The following LRRTM4 variants were observed in gnomAD, a reference collection of about 807,000 sequenced individuals.
LRRTM4 encodes the protein leucine-rich repeat transmembrane neuronal protein 4.
In LRRTM4, 25 loss-of-function variants were observed where a neutral mutation model predicts 47.6. The observed-to-expected ratio is 0.53, with a 90% CI of 0.38 to 0.73. The LOEUF (loss-of-function observed/expected upper bound fraction) is 0.73, where lower values mean the gene tolerates loss of function less well. LRRTM4 is among the 30% of genes least tolerant of loss of function. The probability of loss-of-function intolerance (pLI) is 0.00; values close to 1 mark genes in which losing one functional copy is unlikely to be tolerated. For missense variants in LRRTM4, 638 were observed against 713.4 expected (o/e 0.89, Z 1.20); for synonymous variants, 311 against 269.5 (o/e 1.15, Z -1.51).
chr2:76,822,240 T>A (rs1671074799), intron 3 of LRRTM4, among the ~76,000 whole-genome samples: 1 of 151,082 alleles, frequency 6.6e-6, no homozygotes, highest in Non-Finnish European at 1.5e-5. Context: ...AAACAAGAGA[T>A]ACTAAGGCCT....
At chr2:76,886,737 GA>G (rs1475977440) in intron 3 of LRRTM4, among the ~76,000 whole-genome samples, 1 of 151,778 alleles carries the variant, frequency 6.6e-6, no homozygotes, top group Non-Finnish European at 1.5e-5. Flanking sequence ...AATTAATGAA[GA>G]AAAATATTAA....
chr2:76,967,458 G>A (rs1011438230), intron 3 of LRRTM4, among the ~76,000 whole-genome samples: 2 of 151,494 alleles, frequency 1.3e-5, no homozygotes, highest in African/African-American at 2.4e-5. Context: ...GTCACTCAGT[G>A]ATCCTCCTCC....
chr2:77,296,777 G>C (rs1676985735), intron 3 of LRRTM4, among the ~76,000 whole-genome samples: 1 of 152,188 alleles, frequency 6.6e-6, no homozygotes, highest in African/African-American at 2.4e-5. Flanking sequence ...CTTCTTACCT[G>C]TGTCATGGAT....
At position 77,255,886 on chromosome 2, in the gene LRRTM4, C is replaced by G. The variant is rs919567983; in HGVS notation, c.1551+262432G>C. Among the ~76,000 whole-genome samples the G allele has an allele frequency of 4.6e-5, 7 of 151,786 alleles. No homozygotes were observed. In the South Asian group the frequency reaches 6.3e-4, roughly 14 times the overall value. On this transcript the variant is annotated intron_variant, in intron 3 of 3. Transcript: ENST00000409884. The stretch of plus-strand genomic sequence containing the variant: ...TAGAAAAAGAAAAGCAAAATAAACC[C>G]AAAGTATTAAGAAGGAAGAAAATAA...
intron 3 of LRRTM4, among the ~76,000 whole-genome samples, chr2:77,162,498 G>A (rs188913778): frequency 2.9e-4 from 44 of 152,256 alleles, no homozygotes; most frequent in African/African-American, 1.1e-3. Context: ...CAGAGTTTGA[G>A]ATCTGAGATG....
intron 3 of LRRTM4, among the ~76,000 whole-genome samples, chr2:77,477,668 C>T (rs890119621): frequency 6.6e-6 from 1 of 151,286 alleles, no homozygotes; most frequent in Non-Finnish European, 1.5e-5. Context: ...ATGGAGAAAC[C>T]CCGTCTCCAC....
intron 3 of LRRTM4, among the ~76,000 whole-genome samples, chr2:77,374,823 AG>A (rs974019257): frequency 2.0e-5 from 3 of 151,732 alleles, no homozygotes; most frequent in Non-Finnish European, 2.9e-5. Flanking sequence ...AAGTTCCAAA[AG>A]TCATCTTAAA....
intron 3 of LRRTM4, among the ~76,000 whole-genome samples, chr2:77,466,888 G>A (rs1024039033): frequency 4.6e-5 from 7 of 151,764 alleles, no homozygotes; most frequent in Non-Finnish European, 8.8e-5. Flanking sequence ...AAGTAGAGAC[G>A]GGATTTCACC....
At chr2:77,303,400 A>G (rs988836589) in intron 3 of LRRTM4, among the ~76,000 whole-genome samples, 1 of 152,232 alleles carries the variant, frequency 6.6e-6, no homozygotes, top group Non-Finnish European at 1.5e-5. Context: ...GACATTTATA[A>G]TTTATATTTC....
intron 3 of LRRTM4, among the ~76,000 whole-genome samples, chr2:76,785,294 A>G (rs1297524645): frequency 2.0e-5 from 3 of 152,152 alleles, no homozygotes; most frequent in Admixed American, 6.5e-5. Context: ...CTGCTCCTCA[A>G]GTAAAAGCCC....
At chr2:77,427,932 T>C (rs1379516979) in intron 3 of LRRTM4, among the ~76,000 whole-genome samples, 2 of 152,184 alleles carry the variant, frequency 1.3e-5, no homozygotes, top group African/African-American at 4.8e-5. Flanking sequence ...CCAAATCTCA[T>C]CTTGAATTGT....
chr2:76,818,620 G>T (rs1182740534), intron 3 of LRRTM4, among the ~76,000 whole-genome samples: 1 of 151,422 alleles, frequency 6.6e-6, no homozygotes, highest in Non-Finnish European at 1.5e-5. Flanking sequence ...AATATTTAAG[G>T]TCAATATTAA....
chr2:76,836,165 A>G (rs1671506912), intron 3 of LRRTM4, among the ~76,000 whole-genome samples: 1 of 151,750 alleles, frequency 6.6e-6, no homozygotes, highest in Non-Finnish European at 1.5e-5. Flanking sequence ...GCGGTAAAAA[A>G]AAAAAAAAAA....
intron 3 of LRRTM4, among the ~76,000 whole-genome samples, chr2:77,481,632 A>T (rs1476267932): frequency 6.6e-6 from 1 of 151,808 alleles, no homozygotes; most frequent in East Asian, 1.9e-4. Flanking sequence ...CTCATGCACC[A>T]GAAGCTACTC....
chr2:76,749,795 A>G (rs113275421), intron 3 of LRRTM4, among the ~76,000 whole-genome samples: 6 of 152,236 alleles, frequency 3.9e-5, no homozygotes, highest in Non-Finnish European at 8.8e-5. Flanking sequence ...AGGAAAAAGC[A>G]AATGATACTT....
intron 3 of LRRTM4, among the ~76,000 whole-genome samples, chr2:76,803,686 C>T (rs1675819002): frequency 6.6e-6 from 1 of 152,128 alleles, no homozygotes; most frequent in South Asian, 2.1e-4. Flanking sequence ...CATGGCATGT[C>T]TACAAATGCT....
At chr2:77,090,155 G>A (rs1389831329) in intron 3 of LRRTM4, among the ~76,000 whole-genome samples, 5 of 152,114 alleles carry the variant, frequency 3.3e-5, no homozygotes, top group African/African-American at 9.7e-5. Flanking sequence ...CACCTGGTCT[G>A]GCTTACAGTT....
At chr2:76,934,774 G>A (rs977885833) in intron 3 of LRRTM4, among the ~76,000 whole-genome samples, 1 of 152,140 alleles carries the variant, frequency 6.6e-6, no homozygotes, top group Non-Finnish European at 1.5e-5. Context: ...AAAAGCAGAT[G>A]CTCACTAAAT....
At chr2:77,510,695 T>A (rs1449729892) in intron 3 of LRRTM4, among the ~76,000 whole-genome samples, 1 of 152,020 alleles carries the variant, frequency 6.6e-6, no homozygotes, top group Non-Finnish European at 1.5e-5. Flanking sequence ...CTTATTTAGA[T>A]CTTAAAAATA....
Sources: gnomAD v4.1 joint callset for allele counts (sites outside exome capture counted in the v4.1 genomes callset) on GRCh38, gnomAD v4.1.1 for gene constraint, MANE v1.5 for transcripts, NCBI Gene and HGNC (gene_info 2026-07-23, HGNC 2026-07-21) for gene names.